The following DAP variants were observed in gnomAD, a reference collection of about 807,000 sequenced individuals.
DAP encodes death associated protein.
DAP carries 8 observed loss-of-function variants against 13.8 expected under a neutral mutation model. The observed-to-expected ratio is 0.58, with a 90% CI of 0.34 to 1.05. The LOEUF (loss-of-function observed/expected upper bound fraction) is 1.05, where lower values mean the gene tolerates loss of function less well. DAP is among the 50% of genes least tolerant of loss of function. The pLI, the probability that DAP is intolerant of heterozygous loss-of-function variation, is 0.03. For missense variants in DAP, 106 were observed against 133.2 expected, an observed-to-expected ratio of 0.80 and a Z score of 1.01; for synonymous variants, 47 against 47.5, an observed-to-expected ratio of 0.99 and a Z score of 0.04.
At chr5:10,683,488 T>A (rs756468090) in intron 3 of DAP, 41 bp downstream of exon 3, 1 of 1,601,944 alleles carries the variant, frequency 6.2e-7, no homozygotes, top group Admixed American at 1.7e-5. Context: ...CATGCTGCCA[T>A]GCAAAAGCCT....
intron 2 of DAP, among the ~76,000 whole-genome samples, chr5:10,702,057 C>T (rs1163206360): frequency 6.6e-6 from 1 of 152,192 alleles, no homozygotes; most frequent in Admixed American, 6.5e-5. Flanking sequence ...GCTGTGTTGC[C>T]ATAAGAACTT....
chr5:10,685,674 C>G (rs1738138371), intron 2 of DAP, among the ~76,000 whole-genome samples: 1 of 152,204 alleles, frequency 6.6e-6, no homozygotes. Flanking sequence ...CTTTCCGTAG[C>G]AGGAGTGCAC....
At chr5:10,748,554 G>A (rs1291936831) in intron 1 of DAP, among the ~76,000 whole-genome samples, 5 of 152,160 alleles carry the variant, frequency 3.3e-5, no homozygotes, top group Admixed American at 6.5e-5. Flanking sequence ...GCAGTGTAAC[G>A]AGGGCACAAA....
chr5:10,719,999 T>C (rs1739097241), intron 2 of DAP, among the ~76,000 whole-genome samples: 1 of 152,232 alleles, frequency 6.6e-6, no homozygotes, highest in Non-Finnish European at 1.5e-5. Flanking sequence ...GCAGTGCACC[T>C]GGTTGTGTAC....
In DAP at chr5:10,701,711, C is replaced by G. The variant is rs80112694; in HGVS notation, c.153-18140G>C. 3.5e-3 allele frequency among the ~76,000 whole-genome samples: 526 copies of G among 152,244 alleles called. 2 individuals are homozygous for G. The highest frequency in any genetic ancestry group is 0.012 in the African/African-American group (479 of 41,518). ...GGCAGCAAATTAGGCCTCAAGTTAT[C>G]CCTAGGATGATGGTTATGTCCCTGA... On this transcript the variant is annotated intron_variant, in intron 2 of 3. Coordinates refer to ENST00000230895, the MANE Select transcript of DAP (RefSeq NM_004394.3).
chr5:10,736,579 C>A (rs575832961), intron 2 of DAP, among the ~76,000 whole-genome samples: 1 of 152,190 alleles, frequency 6.6e-6, no homozygotes, highest in African/African-American at 2.4e-5. Flanking sequence ...AACTTTCTGC[C>A]GCCCAAGTTG....
chr5:10,681,480 C>T (rs374868593), intron 3 of DAP, among the ~76,000 whole-genome samples: 9 of 142,932 alleles, frequency 6.3e-5, no homozygotes, highest in South Asian at 4.6e-4. Context: ...TCCAGGCCAG[C>T]GCCCATCAAC....
chr5:10,731,326 C>T (rs62336766), intron 2 of DAP, among the ~76,000 whole-genome samples: 16 of 152,050 alleles, frequency 1.1e-4, no homozygotes, highest in African/African-American at 3.4e-4. Context: ...GAGAGCCCTG[C>T]GGGTGGAGGA....
chr5:10,696,337 G>A (rs1490969163), intron 2 of DAP, among the ~76,000 whole-genome samples: 2 of 152,182 alleles, frequency 1.3e-5, no homozygotes, highest in African/African-American at 4.8e-5. Context: ...AATAGGGGGT[G>A]TGGCGGGGGG....
chr5:10,688,982 G>A (rs1045680367), intron 2 of DAP, among the ~76,000 whole-genome samples: 1 of 152,182 alleles, frequency 6.6e-6, no homozygotes, highest in East Asian at 1.9e-4. Flanking sequence ...CACTGAGGAC[G>A]GGAGTCTGGA....
At chr5:10,732,352 C>A (rs1302197913) in intron 2 of DAP, among the ~76,000 whole-genome samples, 2 of 152,236 alleles carry the variant, frequency 1.3e-5, no homozygotes, top group African/African-American at 4.8e-5. Flanking sequence ...TCACCATTCC[C>A]CTTTTTCTCC....
At chr5:10,754,736 G>A (rs1329850586) in intron 1 of DAP, among the ~76,000 whole-genome samples, 6 of 152,292 alleles carry the variant, frequency 3.9e-5, no homozygotes, top group East Asian at 1.9e-4. Context: ...AAGTAGGATC[G>A]GCTGCCTGGA....
chr5:10,751,428 C>T (rs1740043566), intron 1 of DAP, among the ~76,000 whole-genome samples: 1 of 152,192 alleles, frequency 6.6e-6, no homozygotes, highest in Admixed American at 6.5e-5. Context: ...TCTTGAAACA[C>T]AGGATCTCAG....
chr5:10,723,314 T>C (rs772908477), intron 2 of DAP, among the ~76,000 whole-genome samples: 25 of 152,248 alleles, frequency 1.6e-4, no homozygotes, highest in Non-Finnish European at 3.2e-4. Context: ...ACGCCCTATA[T>C]ATAGTCTATC....
At chr5:10,748,034 G>A in intron 2 of DAP, 141 bp downstream of exon 2, 1 of 634,478 alleles carries the variant, frequency 1.6e-6, no homozygotes, top group South Asian at 1.9e-5. Context: ...CCTCCTCCCT[G>A]ATTAGGAAGG....
intron 2 of DAP, among the ~76,000 whole-genome samples, chr5:10,692,546 T>C (rs2126639855): frequency 6.6e-6 from 1 of 152,308 alleles, no homozygotes; most frequent in Non-Finnish European, 1.5e-5. Context: ...CCTTTGGTAT[T>C]TGAAGAAGGC....
At chr5:10,727,246 G>A (rs1309261310) in intron 2 of DAP, among the ~76,000 whole-genome samples, 1 of 152,196 alleles carries the variant, frequency 6.6e-6, no homozygotes, top group Non-Finnish European at 1.5e-5. Context: ...GCAGGCAACA[G>A]TACCTGGCCA....
chr5:10,716,518 T>A (rs1482590382), intron 2 of DAP, among the ~76,000 whole-genome samples: 1 of 152,158 alleles, frequency 6.6e-6, no homozygotes, highest in Non-Finnish European at 1.5e-5. Context: ...AGACTCACCC[T>A]TAATTGGGTG....
chr5:10,697,681 T>C lies in DAP; in HGVS notation c.153-14110A>G, dbSNP rs533374914. ...GTGGCTCTAAAAAGGAAAATGATCA[T>C]GTAGGTAGAAAAAAATCCAACAAGA... On this transcript the variant is annotated intron_variant, in intron 2 of 3. Transcript: ENST00000230895. 7.9e-5 allele frequency among the ~76,000 whole-genome samples: 12 copies of C among 152,220 alleles called. No homozygotes were observed. The South Asian group carries it at 2.3e-3, about 29-fold the overall frequency.
Sources: allele counts gnomAD v4.1 joint callset (sites outside exome capture counted in the v4.1 genomes callset), GRCh38; gene constraint gnomAD v4.1.1; transcripts MANE v1.5; gene names NCBI Gene and HGNC (gene_info 2026-07-23, HGNC 2026-07-21).